Variants in RALGAPA1 observed in about 807,000 individuals in gnomAD.
The protein encoded by RALGAPA1 is ral GTPase-activating protein subunit alpha-1.
A neutral mutation model predicts 269.6 loss-of-function variants in RALGAPA1; 52 were observed. That is an observed-to-expected ratio of 0.19 (90% CI 0.15 to 0.24). The LOEUF (loss-of-function observed/expected upper bound fraction) is 0.24. Ranked by LOEUF, RALGAPA1 falls within the 10% of genes least tolerant of loss-of-function variation. RALGAPA1 has a pLI of 1.00. For synonymous variants in RALGAPA1, 817 were observed against 1,008.3 expected (o/e 0.81, Z 3.60); for missense variants, 1,917 against 3,013.9 (o/e 0.64, Z 8.52).
intron 12 of RALGAPA1, among the ~76,000 whole-genome samples, chr14:35,730,992 G>C (rs1453558517): frequency 6.6e-6 from 1 of 152,218 alleles, no homozygotes; most frequent in Non-Finnish European, 1.5e-5. Context: ...TTCACCTGCT[G>C]CCACCTCCAC....
intron 37 of RALGAPA1, among the ~76,000 whole-genome samples, chr14:35,580,941 ATTAATGTGTCTAC>A (rs1296000224): frequency 1.3e-5 from 2 of 152,146 alleles, no homozygotes; most frequent in Non-Finnish European, 2.9e-5. Context: ...ACCCGTGCTC[ATTAATGTGTCTAC>A]TGAATGGATT....
intron 37 of RALGAPA1, 110 bp downstream of exon 37, chr14:35,595,524 A>T: frequency 1.1e-6 from 1 of 949,582 alleles, no homozygotes; most frequent in Non-Finnish European, 1.7e-6. Flanking sequence ...GGAGTGGTGT[A>T]CTACAACCAG....
intron 21 of RALGAPA1, among the ~76,000 whole-genome samples, chr14:35,679,785 T>C (rs755050215): frequency 2.0e-4 from 30 of 152,182 alleles, no homozygotes; most frequent in Non-Finnish European, 3.1e-4. Context: ...AGTAAGTAAG[T>C]GCCTAAAAAA....
rs867578011 is a variant in RALGAPA1 at position 35,805,274 on chromosome 14, A to G, written c.106+3456T>C. On this transcript the variant is annotated intron_variant, in intron 1 of 41. Coordinates refer to ENST00000680220, the MANE Select transcript of RALGAPA1 (RefSeq NM_001346249.2). Reference sequence around the variant, plus strand: ...CCCTGTCTCTACTAAAATACAAAAGAAAAAAAAAAAAGAAAAAATTAGCCA... The same window carrying G: ...CCCTGTCTCTACTAAAATACAAAAGGAAAAAAAAAAAGAAAAAATTAGCCA... Among the ~76,000 whole-genome samples the G allele has an allele frequency of 2.9e-4, 41 of 143,556 alleles. 1 individual carries two copies. The Middle Eastern group carries it at 0.015, about 51-fold the overall frequency. The allele number at this position is 143,556 out of a possible 152,430, so 94.2% of individuals were successfully genotyped here.
chr14:35,700,080 G>T (rs1218094297), intron 17 of RALGAPA1, 82 bp downstream of exon 17: 2 of 1,276,100 alleles, frequency 1.6e-6, no homozygotes, highest in East Asian at 2.6e-5. Flanking sequence ...ACTTTAAAGA[G>T]TTTATTTGAT....
chr14:35,706,585 T>C (rs1567050481), intron 16 of RALGAPA1: 1 of 151,802 alleles, frequency 6.6e-6, no homozygotes, highest in Non-Finnish European at 1.5e-5. Context: ...TTCAATATTG[T>C]GTTGACTCTT....
chr14:35,698,922 G>C (rs1160114419), intron 17 of RALGAPA1, among the ~76,000 whole-genome samples: 2 of 152,080 alleles, frequency 1.3e-5, no homozygotes, highest in Non-Finnish European at 2.9e-5. Flanking sequence ...TAACAAAATT[G>C]TGTGCCATTT....
rs77119709 is a variant in RALGAPA1, at chr14:35,729,092, G to GA, written c.1588-583dup. On this transcript the variant is annotated intron_variant, in intron 12 of 41. Transcript: ENST00000680220. The stretch of plus-strand genomic sequence containing the variant: ...AATAACTCTATTGCTATAATAAATT[G>GA]AAAAAAAAATAAATACACATAGTTT... Among the ~76,000 whole-genome samples, 70 of 148,010 alleles carry GA rather than the reference G, an allele frequency of 4.7e-4. No homozygotes were observed. In the East Asian group the frequency reaches 5.5e-3, roughly 12 times the overall value.
intron 37 of RALGAPA1, among the ~76,000 whole-genome samples, chr14:35,585,884 G>A (rs994436725): frequency 5.9e-5 from 9 of 152,258 alleles, no homozygotes; most frequent in African/African-American, 1.9e-4. Context: ...GTCAGGTAGC[G>A]TGATGCCTCC....
intron 12 of RALGAPA1, among the ~76,000 whole-genome samples, chr14:35,734,872 C>T (rs2070830122): frequency 6.6e-6 from 1 of 151,524 alleles, no homozygotes; most frequent in African/African-American, 2.4e-5. Context: ...ACAAACGATC[C>T]CATCAAAAAG....
intron 35 of RALGAPA1, among the ~76,000 whole-genome samples, chr14:35,615,788 AG>A (rs928265489): frequency 1.3e-5 from 2 of 152,184 alleles, no homozygotes; most frequent in African/African-American, 4.8e-5. Flanking sequence ...GAAATAAAAA[AG>A]CATAAGGTAA....
intron 41 of RALGAPA1, 131 bp from the exon 42 acceptor site, chr14:35,539,821 C>T: frequency 7.5e-7 from 1 of 1,336,810 alleles, no homozygotes; most frequent in Non-Finnish European, 1.0e-6. Flanking sequence ...AAGCAAGCCC[C>T]AAACTTGCTT....
intron 5 of RALGAPA1, among the ~76,000 whole-genome samples, chr14:35,761,256 T>C (rs1424434551): frequency 6.6e-6 from 1 of 152,178 alleles, no homozygotes; most frequent in Non-Finnish European, 1.5e-5. Flanking sequence ...TAATTTTTAT[T>C]CTGTAAGTTC....
At chr14:35,663,960 T>C (rs560703217) in intron 27 of RALGAPA1, among the ~76,000 whole-genome samples, 6 of 152,102 alleles carry the variant, frequency 3.9e-5, no homozygotes, top group Non-Finnish European at 8.8e-5. Flanking sequence ...TCTTAACTTA[T>C]TGATGGAATT....
chr14:35,682,018 T>G (rs1198918085), intron 21 of RALGAPA1, among the ~76,000 whole-genome samples: 1 of 152,220 alleles, frequency 6.6e-6, no homozygotes, highest in African/African-American at 2.4e-5. Context: ...TCAGTGAATA[T>G]TCAATAAATG....
At chr14:35,592,343 A>T (rs887350253) in intron 37 of RALGAPA1, among the ~76,000 whole-genome samples, 3 of 152,240 alleles carry the variant, frequency 2.0e-5, no homozygotes, top group Admixed American at 1.3e-4. Flanking sequence ...GAACAGACCA[A>T]TAACAAAGAG....
At chr14:35,721,475 A>G (rs2069405128) in intron 16 of RALGAPA1, among the ~76,000 whole-genome samples, 1 of 152,232 alleles carries the variant, frequency 6.6e-6, no homozygotes, top group Non-Finnish European at 1.5e-5. Flanking sequence ...AATAAACCAC[A>G]TAAAAATAAT....
Position 35,756,956 on chromosome 14 carries a change from A to C in RALGAPA1, c.548-48T>G, listed in dbSNP as rs371272457. ...TATATAGTTACAAAACAAATTTAAT[A>C]AAACAATAATATAACCAAATAAACT... On this transcript the variant is annotated intron_variant, in intron 6 of 41. Transcript: ENST00000680220. The C allele has an allele frequency of 1.6e-5, 23 of 1,444,464 alleles. No homozygotes were observed. In the African/African-American group the frequency reaches 1.7e-4, roughly 11 times the overall value. 89.5% of individuals were successfully genotyped at this position (1,444,464 alleles called of 1,614,324 possible).
chr14:35,706,792 G>C (rs2067849994), intron 16 of RALGAPA1: 1 of 151,692 alleles, frequency 6.6e-6, no homozygotes, highest in Admixed American at 6.6e-5. Flanking sequence ...ACTAGTTTTT[G>C]TATTTTTTGT....
Sources: allele counts gnomAD v4.1 joint callset (sites outside exome capture counted in the v4.1 genomes callset), GRCh38; gene constraint gnomAD v4.1.1; transcripts MANE v1.5; gene names NCBI Gene and HGNC (gene_info 2026-07-23, HGNC 2026-07-21).